The following TMEM117 variants were observed in gnomAD, a reference collection of about 807,000 sequenced individuals.
The protein encoded by TMEM117 is transmembrane protein 117.
In TMEM117, 27 loss-of-function variants were observed where a neutral mutation model predicts 52.4. The ratio of observed to expected loss-of-function variants is 0.51; its 90% CI spans 0.38 to 0.71. The LOEUF is 0.71. Ranked by LOEUF, TMEM117 falls within the 30% of genes least tolerant of loss-of-function variation. The pLI is 0.00. For missense variants in TMEM117, 556 were observed against 630.5 expected (o/e 0.88, Z 1.26); for synonymous variants, 215 against 206.3 (o/e 1.04, Z -0.36).
chr12:44,171,262 G>A (rs537182365), intron 4 of TMEM117, among the ~76,000 whole-genome samples: 8 of 152,162 alleles, frequency 5.3e-5, no homozygotes, highest in South Asian at 2.1e-4. Context: ...TGATCCGCCC[G>A]CCTCGGCCTC....
chr12:44,352,565 G>A (rs551304820), intron 6 of TMEM117, among the ~76,000 whole-genome samples: 4 of 152,074 alleles, frequency 2.6e-5, no homozygotes, highest in South Asian at 4.2e-4. Flanking sequence ...TTGTCCCTGC[G>A]ATAGTTTGCT....
intron 4 of TMEM117, among the ~76,000 whole-genome samples, chr12:44,180,035 A>T (rs941206914): frequency 6.6e-6 from 1 of 152,128 alleles, no homozygotes; most frequent in Non-Finnish European, 1.5e-5. Context: ...AACTAACACC[A>T]CCTAGAAGTG....
intron 2 of TMEM117, among the ~76,000 whole-genome samples, chr12:43,893,835 C>T (rs964511139): frequency 7.2e-5 from 11 of 152,130 alleles, no homozygotes; most frequent in African/African-American, 1.2e-4. Context: ...ATGAAGGACT[C>T]GGGTGCGTGA....
intron 3 of TMEM117, among the ~76,000 whole-genome samples, chr12:44,119,949 G>T (rs1287807828): frequency 6.6e-6 from 1 of 152,134 alleles, no homozygotes; most frequent in Non-Finnish European, 1.5e-5. Context: ...AGTCTAGGAA[G>T]TAGTATCTTG....
At chr12:43,977,701 C>G (rs1945695249) in intron 3 of TMEM117, among the ~76,000 whole-genome samples, 1 of 152,034 alleles carries the variant, frequency 6.6e-6, no homozygotes, top group African/African-American at 2.4e-5. Context: ...CTACTGTGGC[C>G]TGCCCTTGAG....
chr12:44,396,652 G>A, the TMEM117 span, among the ~76,000 whole-genome samples: 220 of 152,062 alleles, frequency 1.4e-3, no homozygotes, highest in Middle Eastern at 3.4e-3. Context: ...TCAGGAGTTC[G>A]AGACCAGCCT....
chr12:43,883,495 T>TA (rs1943933131), intron 2 of TMEM117, among the ~76,000 whole-genome samples: 1 of 152,190 alleles, frequency 6.6e-6, no homozygotes, highest in Non-Finnish European at 1.5e-5. Flanking sequence ...GTAAGACAGT[T>TA]AAAATATGAG....
At chr12:43,993,869 A>AT (rs1945985569) in intron 3 of TMEM117, among the ~76,000 whole-genome samples, 4 of 152,018 alleles carry the variant, frequency 2.6e-5, no homozygotes, top group South Asian at 2.1e-4. Flanking sequence ...TAATTTTTGT[A>AT]TTTTTTGTAG....
chr12:44,076,978 A>C (rs1006030113), intron 3 of TMEM117, among the ~76,000 whole-genome samples: 2 of 152,190 alleles, frequency 1.3e-5, no homozygotes, highest in Admixed American at 1.3e-4. Flanking sequence ...GCCAGGGAGA[A>C]GAAATATGCC....
At chr12:44,273,525 A>G (rs1041203978) in intron 5 of TMEM117, among the ~76,000 whole-genome samples, 5 of 152,012 alleles carry the variant, frequency 3.3e-5, no homozygotes, top group Admixed American at 6.6e-5. Context: ...AAAGAAAACT[A>G]CAGGCCAGTA....
At chr12:43,865,628 T>G (rs1296550454) in intron 2 of TMEM117, among the ~76,000 whole-genome samples, 1 of 150,156 alleles carries the variant, frequency 6.7e-6, no homozygotes, top group Non-Finnish European at 1.5e-5. Flanking sequence ...ACCTGGGAGG[T>G]GGAGGTTGTA....
chr12:44,223,031 T>TTA (rs1296270178), intron 5 of TMEM117, among the ~76,000 whole-genome samples: 1 of 152,036 alleles, frequency 6.6e-6, no homozygotes, highest in East Asian at 1.9e-4. Flanking sequence ...TTTTTTTTTT[T>TTA]TTAGTGCTAG....
At chr12:44,116,234 A>G (rs1948140758) in intron 3 of TMEM117, among the ~76,000 whole-genome samples, 1 of 152,154 alleles carries the variant, frequency 6.6e-6, no homozygotes, top group Admixed American at 6.5e-5. Flanking sequence ...ATATCGCTTT[A>G]CAATACTCTT....
intron 2 of TMEM117, among the ~76,000 whole-genome samples, chr12:43,866,486 G>C (rs1277998330): frequency 6.7e-6 from 1 of 149,208 alleles, no homozygotes; most frequent in Non-Finnish European, 1.5e-5. Flanking sequence ...GAGGCAGGAA[G>C]ATTACCAGAG....
chr12:44,287,669 A>G (rs1023106773), intron 5 of TMEM117, among the ~76,000 whole-genome samples: 1 of 152,230 alleles, frequency 6.6e-6, no homozygotes, highest in African/African-American at 2.4e-5. Context: ...TACAAACATA[A>G]TAACAGGAGG....
At chr12:43,813,039 A>G in the TMEM117 span, among the ~76,000 whole-genome samples, 4 of 150,632 alleles carry the variant, frequency 2.7e-5, no homozygotes, top group Non-Finnish European at 5.9e-5. Context: ...CACCAGCAGC[A>G]GCTGAGTCTG....
chr12:43,844,903 A>G lies in TMEM117; in HGVS notation c.252A>G (p.Lys84=). ...LAILTGLIAG[K]FLFHQRLFGQ... ...TTCTCACAGGACTAATAGCTGGCAAATTTCTGTTCCATCAGCGTTTGTTTG... is the reference window on the plus strand; with the variant it reads ...TTCTCACAGGACTAATAGCTGGCAAGTTTCTGTTCCATCAGCGTTTGTTTG... Residue 84 remains lysine (K), a synonymous_variant, in exon 2 of 8, where the codon AAA becomes AAG. Coordinates refer to ENST00000266534, the MANE Select transcript of TMEM117 (RefSeq NM_032256.3). The G allele has an allele frequency of 1.2e-6, 2 of 1,613,364 alleles. No homozygotes were observed. The highest frequency in any genetic ancestry group is 1.7e-6 in the Non-Finnish European group (2 of 1,179,882).
At chr12:44,334,730 G>A (rs1472414770) in intron 6 of TMEM117, among the ~76,000 whole-genome samples, 1 of 151,954 alleles carries the variant, frequency 6.6e-6, no homozygotes, top group African/African-American at 2.4e-5. Flanking sequence ...ACCACATGAT[G>A]CTCTCCACGA....
intron 3 of TMEM117, among the ~76,000 whole-genome samples, chr12:44,121,447 C>T (rs150091778): frequency 2.0e-5 from 3 of 152,178 alleles, no homozygotes; most frequent in Admixed American, 1.3e-4. Context: ...GCCAAGTCAG[C>T]GTAAAGATGA....
Sources: allele counts gnomAD v4.1 joint callset (sites outside exome capture counted in the v4.1 genomes callset), GRCh38; gene constraint gnomAD v4.1.1; transcripts MANE v1.5; gene names NCBI Gene and HGNC (gene_info 2026-07-23, HGNC 2026-07-21).